Variants in LRFN5 observed in about 807,000 individuals in gnomAD.
LRFN5 encodes the protein leucine-rich repeat and fibronectin type-III domain-containing protein 5.
LRFN5 carries 24 observed loss-of-function variants against 45.6 expected under a neutral mutation model. The observed-to-expected ratio is 0.53, with a 90% confidence interval of 0.38 to 0.74. The LOEUF is 0.74. Among genes scored for constraint, LRFN5 ranks in the 30% least tolerant of loss-of-function variants. The pLI, the probability that LRFN5 is intolerant of heterozygous loss-of-function variation, is 0.00. For synonymous variants in LRFN5, 340 were observed against 313.8 expected, an observed-to-expected ratio of 1.08 and a Z score of -0.88; for missense variants, 776 against 861.5, an observed-to-expected ratio of 0.90 and a Z score of 1.24.
At chr14:41,773,247 C>T (rs1886154244) in intron 2 of LRFN5, among the ~76,000 whole-genome samples, 1 of 152,176 alleles carries the variant, frequency 6.6e-6, no homozygotes, top group African/African-American at 2.4e-5. Context: ...GTCTTTGCAC[C>T]TGACTGTTTC....
chr14:41,845,017 C>A (rs568086130), intron 2 of LRFN5, among the ~76,000 whole-genome samples: 1 of 152,042 alleles, frequency 6.6e-6, no homozygotes, highest in East Asian at 1.9e-4. Flanking sequence ...GAAACATGAT[C>A]GTATTTTAAT....
At chr14:41,834,558 A>G (rs1485483658) in intron 2 of LRFN5, among the ~76,000 whole-genome samples, 1 of 152,192 alleles carries the variant, frequency 6.6e-6, no homozygotes, top group Admixed American at 6.5e-5. Flanking sequence ...TTAACATTCG[A>G]TAAAGTACAC....
At chr14:41,785,095 G>A (rs1886671610) in intron 2 of LRFN5, among the ~76,000 whole-genome samples, 1 of 151,952 alleles carries the variant, frequency 6.6e-6, no homozygotes, top group Non-Finnish European at 1.5e-5. Context: ...TTTTGGAGTG[G>A]TGTTTGAATA....
chr14:41,866,010 A>G (rs1889827513), intron 2 of LRFN5, among the ~76,000 whole-genome samples: 1 of 152,106 alleles, frequency 6.6e-6, no homozygotes, highest in African/African-American at 2.4e-5. Flanking sequence ...GCAAGTTGTC[A>G]TTTCATTTTC....
intron 1 of LRFN5, among the ~76,000 whole-genome samples, chr14:41,621,826 C>G (rs1487312004): frequency 6.6e-6 from 1 of 152,028 alleles, no homozygotes; most frequent in Non-Finnish European, 1.5e-5. Context: ...TGATTTGTCT[C>G]CATCGGTTCC....
chr14:41,877,276 C>A (rs1890217642), intron 2 of LRFN5, among the ~76,000 whole-genome samples: 1 of 152,120 alleles, frequency 6.6e-6, no homozygotes. Flanking sequence ...GCCTGAGTAC[C>A]TGGGATTACG....
At chr14:41,665,306 AAG>A (rs981629075) in intron 1 of LRFN5, among the ~76,000 whole-genome samples, 2 of 152,032 alleles carry the variant, frequency 1.3e-5, no homozygotes, top group African/African-American at 2.4e-5. Flanking sequence ...AAAGAAAAAA[AAG>A]AGTAACAAAT....
At chr14:41,854,744 TC>T (rs1889394013) in intron 2 of LRFN5, among the ~76,000 whole-genome samples, 1 of 152,172 alleles carries the variant, frequency 6.6e-6, no homozygotes, top group African/African-American at 2.4e-5. Context: ...GATGAGGAGC[TC>T]CCTTTTGATT....
In LRFN5 at chr14:41,853,417, G is replaced by A. The variant is rs185305927; in HGVS notation, c.-20-33189G>A. Among the ~76,000 whole-genome samples the A allele has an allele frequency of 2.0e-4, 30 of 151,972 alleles. No homozygotes were observed. The East Asian group carries it at 4.8e-3, about 25-fold the overall frequency. ...ACTGACAATGGAGATCAAGTTAAGC[G>A]TGTATTTTCAGGATATATTTGACTA... On this transcript the variant is annotated intron_variant, in intron 2 of 5. Coordinates refer to ENST00000298119, the MANE Select transcript of LRFN5 (RefSeq NM_152447.5).
intron 1 of LRFN5, among the ~76,000 whole-genome samples, chr14:41,702,805 T>G (rs532556316): frequency 6.4e-4 from 98 of 151,956 alleles, no homozygotes; most frequent in Middle Eastern, 6.8e-3. Flanking sequence ...ATTTCTACAG[T>G]ACTTTCTGGA....
At chr14:41,609,158 A>G (rs1338051773) in intron 1 of LRFN5, among the ~76,000 whole-genome samples, 1 of 152,146 alleles carries the variant, frequency 6.6e-6, no homozygotes, top group Non-Finnish European at 1.5e-5. Context: ...GTCTTGAGAT[A>G]TGGTGTTTAA....
At chr14:41,745,933 A>T (rs1754093871) in intron 1 of LRFN5, among the ~76,000 whole-genome samples, 1 of 152,056 alleles carries the variant, frequency 6.6e-6, no homozygotes, top group African/African-American at 2.4e-5. Context: ...GAATTCTACT[A>T]AACATTTATA....
intron 1 of LRFN5, among the ~76,000 whole-genome samples, chr14:41,666,936 A>G (rs1412695422): frequency 5.9e-5 from 9 of 152,190 alleles, no homozygotes. Context: ...TTTCTTTACA[A>G]GAATAAGAAC....
chr14:41,762,154 A>G (rs1346350405), intron 1 of LRFN5, among the ~76,000 whole-genome samples: 2 of 150,238 alleles, frequency 1.3e-5, no homozygotes, highest in African/African-American at 4.9e-5. Flanking sequence ...AAAAAAAAAA[A>G]CCTTCACCTA....
intron 1 of LRFN5, among the ~76,000 whole-genome samples, chr14:41,720,348 C>T (rs1005050265): frequency 1.3e-5 from 2 of 151,972 alleles, no homozygotes; most frequent in Admixed American, 6.6e-5. Flanking sequence ...TGATGAGCAC[C>T]TAGGTTGATT....
intron 1 of LRFN5, among the ~76,000 whole-genome samples, chr14:41,691,047 T>C (rs1340632015): frequency 6.6e-6 from 1 of 152,106 alleles, no homozygotes; most frequent in Non-Finnish European, 1.5e-5. Context: ...ATCAATTTTA[T>C]GTCTGTTTAT....
chr14:41,654,001 G>A (rs977672983), intron 1 of LRFN5, among the ~76,000 whole-genome samples: 12 of 151,976 alleles, frequency 7.9e-5, no homozygotes, highest in Non-Finnish European at 1.0e-4. Flanking sequence ...TGAACAATGA[G>A]AACACTTGGG....
chr14:41,841,071 A>G (rs1214202211), intron 2 of LRFN5, among the ~76,000 whole-genome samples: 1 of 151,798 alleles, frequency 6.6e-6, no homozygotes, highest in East Asian at 1.9e-4. Context: ...TGTCTGTAGC[A>G]ATATGGAAAA....
At chr14:41,829,963 ATTAC>A (rs1888425241) in intron 2 of LRFN5, among the ~76,000 whole-genome samples, 1 of 151,270 alleles carries the variant, frequency 6.6e-6, no homozygotes, top group Non-Finnish European at 1.5e-5. Flanking sequence ...CTCTAATTGT[ATTAC>A]TTAATACATA....
Sources: allele counts gnomAD v4.1 joint callset (sites outside exome capture counted in the v4.1 genomes callset), GRCh38; gene constraint gnomAD v4.1.1; transcripts MANE v1.5; gene names NCBI Gene and HGNC (gene_info 2026-07-23, HGNC 2026-07-21).